POLR2F: variants seen among roughly 807,000 people sequenced by gnomAD.
The protein encoded by POLR2F is DNA-directed RNA polymerases I, II, and III subunit RPABC2.
POLR2F carries 12 observed loss-of-function variants against 22.7 expected under a neutral mutation model. The ratio of observed to expected loss-of-function variants is 0.53; its 90% CI spans 0.34 to 0.86. POLR2F has a LOEUF of 0.86. Among genes scored for constraint, POLR2F ranks in the 40% least tolerant of loss-of-function variants. The probability of loss-of-function intolerance (pLI) is 0.02; values close to 1 mark genes in which losing one functional copy is unlikely to be tolerated. For synonymous variants in POLR2F, 57 were observed against 66.0 expected, an observed-to-expected ratio of 0.86 and a Z score of 0.66; for missense variants, 126 against 171.5, an observed-to-expected ratio of 0.73 and a Z score of 1.48.
intron 1 of POLR2F, among the ~76,000 whole-genome samples, chr22:38,003,353 A>C (rs998715030): frequency 2.0e-5 from 3 of 152,028 alleles, no homozygotes; most frequent in African/African-American, 7.2e-5. Context: ...CAGCCTCCTG[A>C]GTAGCTGGAA....
intron 3 of POLR2F, among the ~76,000 whole-genome samples, chr22:37,960,299 G>A (rs6000959): frequency 0.036 from 5,423 of 150,246 alleles, 311 homozygotes; most frequent in African/African-American, 0.13. Context: ...TCTCAGCTCA[G>A]TACAACCCCT....
At chr22:37,967,517 C>G (rs1931903717) in intron 4 of POLR2F, 108 bp from the exon 5 acceptor site, 1 of 1,519,468 alleles carries the variant, frequency 6.6e-7, no homozygotes, top group East Asian at 2.3e-5. Flanking sequence ...CCCCAAGAGG[C>G]TGCTCCTAAG....
upstream of POLR2F, chr22:37,983,813 T>G (rs761658024): frequency 1.4e-6 from 2 of 1,404,988 alleles, no homozygotes. The surrounding 1 kb of genome is among the most constrained non-coding windows in gnomAD (Gnocchi z 9.5). Context: ...CGCCGCCGCC[T>G]CGGCCGCCTC....
Position 37,969,063 on chromosome 22 carries a change from CT to C in POLR2F, c.*1349del, listed in dbSNP as rs1931967109. The stretch of plus-strand genomic sequence containing the variant: ...GGGTCACTTTCTCGGCCCCATTTCT[CT>C]AAATGGTCTCTTTGTTCCCTGCTGG... On this transcript the variant is annotated 3_prime_UTR_variant, in exon 5 of 5. Coordinates refer to ENST00000442738, the MANE Select transcript of POLR2F (RefSeq NM_021974.5). 1.1e-5 allele frequency: 11 copies of C among 985,296 alleles called. No individual in the cohort carries two copies. The highest frequency in any genetic ancestry group is 1.3e-5 in the Non-Finnish European group (11 of 829,974). The allele number at this position is 985,296 out of a possible 1,614,324, so 61.0% of individuals were successfully genotyped here.
intron 3 of POLR2F, among the ~76,000 whole-genome samples, chr22:37,965,537 G>C (rs987275640): frequency 1.3e-5 from 2 of 152,204 alleles, no homozygotes; most frequent in South Asian, 4.1e-4. Flanking sequence ...TTTATATTTT[G>C]AAAGAAAGCA....
chr22:38,023,398 T>G (rs1002192744), intron 1 of POLR2F, among the ~76,000 whole-genome samples: 1 of 152,050 alleles, frequency 6.6e-6, no homozygotes, highest in African/African-American at 2.4e-5. Flanking sequence ...TATGAAAAGG[T>G]CTTCCTCATC....
chr22:38,023,830 G>C (rs1221187350), intron 1 of POLR2F, among the ~76,000 whole-genome samples: 1 of 141,880 alleles, frequency 7.0e-6, no homozygotes, highest in African/African-American at 2.7e-5. Context: ...GCACCACCAC[G>C]CCTGGCTAAT....
chr22:38,013,441 C>T (rs896713834), intron 1 of POLR2F, among the ~76,000 whole-genome samples: 2 of 152,146 alleles, frequency 1.3e-5, no homozygotes. Flanking sequence ...CCACTACGCC[C>T]GGTCAGTTGT....
intron 2 of POLR2F, chr22:38,026,248 T>C (rs371574310): frequency 1.1e-5 from 6 of 532,962 alleles, no homozygotes; most frequent in Non-Finnish European, 2.3e-5. Flanking sequence ...GAACACTCAA[T>C]TTCCCTCTCT....
Position 37,966,311 on chromosome 22 carries a change from C to T in POLR2F, c.222-788C>T, listed in dbSNP as rs551676207. ...GTAAATACAGGAAAGTAGCACGGGA[C>T]TGTGCTAGGAAGGCAAACAGGGACC... On this transcript the variant is annotated intron_variant, in intron 3 of 4. Transcript: ENST00000442738. 9.9e-5 allele frequency among the ~76,000 whole-genome samples: 15 copies of T among 152,090 alleles called. No homozygotes were observed. The South Asian group carries it at 3.1e-3, about 32-fold the overall frequency.
chr22:37,986,000 C>T (rs901488787), upstream of POLR2F: 38 of 1,276,916 alleles, frequency 3.0e-5, no homozygotes, highest in East Asian at 8.0e-4. Context: ...ACGCCACCCC[C>T]GGCGCTGCCA....
intron 1 of POLR2F, among the ~76,000 whole-genome samples, chr22:37,989,130 GTCAAGAAA>G (rs1350397902): frequency 6.6e-6 from 1 of 152,168 alleles, no homozygotes; most frequent in Admixed American, 6.5e-5. Context: ...GTGACTTGAA[GTCAAGAAA>G]TCCTGCCACT....
At position 37,986,932 on chromosome 22, in the gene POLR2F, T is replaced by A. The variant is rs1280165395; in HGVS notation, c.120+620T>A. The stretch of plus-strand genomic sequence containing the variant: ...GATCCTGGCTGAAGACACCTGGGCC[T>A]CTGCCCCAGCAGGACAACAGGAGGG... On this transcript the variant is annotated intron_variant, in intron 1 of 2. Coordinates refer to the POLR2F transcript ENST00000333418. This position sits in a 1 kb window ranked among gnomAD's most constrained non-coding sequence, Gnocchi z 4.7. The A allele has an allele frequency of 2.2e-6, 1 of 452,692 alleles. No individual in the cohort carries two copies. Among genetic ancestry groups the A allele is most frequent in the South Asian group, 1.6e-5 (1 of 64,270 alleles). The allele number at this position is 452,692 out of a possible 1,614,324, so 28.0% of individuals were successfully genotyped here.
intron 3 of POLR2F, 127 bp from the exon 4 acceptor site, chr22:37,966,972 A>G: frequency 1.5e-6 from 1 of 664,672 alleles, no homozygotes; most frequent in Non-Finnish European, 2.6e-6. Context: ...ACCACTCCCT[A>G]CTGTGCCTGC....
At chr22:38,026,000 A>G (rs780625902) in exon 2 of POLR2F, 1 of 567,054 alleles carries the variant, frequency 1.8e-6, no homozygotes, top group Non-Finnish European at 3.5e-6. Flanking sequence ...GGGCCCTGGA[A>G]TCTTCCCCTC....
intron 1 of POLR2F, among the ~76,000 whole-genome samples, chr22:38,012,065 T>A (rs2084875570): frequency 1.3e-5 from 2 of 151,552 alleles, no homozygotes; most frequent in Non-Finnish European, 2.9e-5. Flanking sequence ...TATCCCTAAG[T>A]ATTTTATATT....
At chr22:37,966,963 C>T (rs1269364630) in intron 3 of POLR2F, 136 bp from the exon 4 acceptor site, 1 of 635,646 alleles carries the variant, frequency 1.6e-6, no homozygotes. Context: ...CCCCTACACA[C>T]CACTCCCTAC....
rs2084722644 is a variant in POLR2F, at chr22:37,997,154, G to T, written c.120+10842G>T. 6.6e-6 allele frequency among the ~76,000 whole-genome samples: 1 copy of T among 152,098 alleles called. No homozygotes were observed. The stretch of plus-strand genomic sequence containing the variant: ...GACCTGCCAGGAACAAACACAGAGG[G>T]GCCTGGGAGGGCCCTGAGCTTCCCA... On this transcript the variant is annotated intron_variant, in intron 1 of 2. Transcript: ENST00000333418. The surrounding 1 kb of genome is among the most constrained non-coding windows in gnomAD (Gnocchi z 4.4).
chr22:37,991,273 A>C (rs1932722379), intron 1 of POLR2F, among the ~76,000 whole-genome samples: 1 of 152,058 alleles, frequency 6.6e-6, no homozygotes, highest in African/African-American at 2.4e-5. Context: ...GCATGCCACC[A>C]TGCCCGGCTA....
Sources: allele counts gnomAD v4.1 joint callset (sites outside exome capture counted in the v4.1 genomes callset), GRCh38; gene constraint gnomAD v4.1.1; non-coding constraint Gnocchi (gnomAD v3.1); transcripts MANE v1.5; gene names NCBI Gene and HGNC (gene_info 2026-07-23, HGNC 2026-07-21).